Variants in CTNNA3 observed in about 807,000 individuals in gnomAD.
CTNNA3 encodes the protein catenin alpha-3.
A neutral mutation model predicts 95.7 loss-of-function variants in CTNNA3; 76 were observed. That is an observed-to-expected ratio of 0.79 (90% CI 0.66 to 0.96). CTNNA3 has a LOEUF of 0.96. CTNNA3 is among the 40% of genes least tolerant of loss of function. The pLI is 0.00. For missense variants in CTNNA3, 1,191 were observed against 1,089.8 expected, an observed-to-expected ratio of 1.09 and a Z score of -1.31; for synonymous variants, 431 against 374.4, an observed-to-expected ratio of 1.15 and a Z score of -1.74.
At chr10:66,570,261 C>T (rs556196315) in intron 10 of CTNNA3, among the ~76,000 whole-genome samples, 1 of 149,854 alleles carries the variant, frequency 6.7e-6, no homozygotes, top group African/African-American at 2.4e-5. Context: ...TTCCTTATAC[C>T]TTTCAAAAAT....
chr10:67,090,720 T>G (rs1857580071), intron 7 of CTNNA3, among the ~76,000 whole-genome samples: 1 of 151,996 alleles, frequency 6.6e-6, no homozygotes, highest in African/African-American at 2.4e-5. Context: ...AAGAGAATAT[T>G]AGAGACGTGT....
At chr10:65,995,021 C>T (rs1266656746) in intron 15 of CTNNA3, among the ~76,000 whole-genome samples, 2 of 151,842 alleles carry the variant, frequency 1.3e-5, no homozygotes, top group Non-Finnish European at 2.9e-5. Context: ...TGATGCTTAT[C>T]ACATTGGTAA....
chr10:67,274,560 G>A (rs184265160), intron 5 of CTNNA3, among the ~76,000 whole-genome samples: 7 of 152,226 alleles, frequency 4.6e-5, no homozygotes, highest in Admixed American at 4.6e-4. Context: ...TGGCGCAGTG[G>A]CTCACACCTG....
chr10:65,918,328 G>A lies in CTNNA3; in HGVS notation c.*2002C>T, dbSNP rs1160133181. 1 of 152,070 alleles carries A rather than the reference G, an allele frequency of 6.6e-6. No individual in the cohort carries two copies. Among genetic ancestry groups the A allele is most frequent in the Non-Finnish European group, 1.5e-5 (1 of 68,002 alleles). The allele number at this position is 152,070 out of a possible 1,614,324, so 9.4% of individuals were successfully genotyped here. On this transcript the variant is annotated 3_prime_UTR_variant, in exon 18 of 18. Coordinates refer to ENST00000433211, the MANE Select transcript of CTNNA3 (RefSeq NM_013266.4). ...TAGGAGCTAAGATACACAACTGCTA[G>A]TTTGGTGATTTCAAAAAAATTTTCT...
chr10:66,405,644 G>C (rs1433778851), intron 11 of CTNNA3, among the ~76,000 whole-genome samples: 1 of 152,064 alleles, frequency 6.6e-6, no homozygotes, highest in Non-Finnish European at 1.5e-5. Context: ...CTGGTGGTTT[G>C]CTTTGGGTAG....
chr10:66,475,085 C>T (rs1839275929), intron 11 of CTNNA3, among the ~76,000 whole-genome samples: 1 of 151,866 alleles, frequency 6.6e-6, no homozygotes, highest in Admixed American at 6.6e-5. Flanking sequence ...CTTCTAGTTT[C>T]ATGTAACTTA....
chr10:66,445,930 G>T (rs1023344484), intron 11 of CTNNA3, among the ~76,000 whole-genome samples: 2 of 151,980 alleles, frequency 1.3e-5, no homozygotes, highest in Admixed American at 1.3e-4. Flanking sequence ...CCGCTATCAA[G>T]GCTAAGAAGG....
Position 67,108,041 on chromosome 10 carries a change from T to C in CTNNA3, c.1047+72276A>G, listed in dbSNP as rs149335314. Reference sequence around the variant, plus strand: ...TCCTGGCCATGGGACAAGAGGCCTATCTTTAGCTGAAATAAGGAAAAGTCC... The same window carrying C: ...TCCTGGCCATGGGACAAGAGGCCTACCTTTAGCTGAAATAAGGAAAAGTCC... On this transcript the variant is annotated intron_variant, in intron 7 of 17. Transcript: ENST00000433211. Among the ~76,000 whole-genome samples the C allele has an allele frequency of 4.4e-3, 663 of 152,344 alleles. 1 individual carries two copies. Among genetic ancestry groups the C allele is most frequent in the African/African-American group, 0.015 (624 of 41,576 alleles).
chr10:67,058,603 G>C (rs1252874909), intron 7 of CTNNA3, among the ~76,000 whole-genome samples: 3 of 152,086 alleles, frequency 2.0e-5, no homozygotes, highest in Non-Finnish European at 4.4e-5. Context: ...TGCCCTGCAA[G>C]GCCCCTTTTT....
chr10:67,587,561 T>C (rs1842674529), intron 3 of CTNNA3, among the ~76,000 whole-genome samples: 1 of 152,232 alleles, frequency 6.6e-6, no homozygotes, highest in Admixed American at 6.5e-5. Context: ...TTGTAAAGTT[T>C]CTGCTGAGAA....
chr10:66,341,599 A>AT (rs2092453636), intron 12 of CTNNA3, among the ~76,000 whole-genome samples: 1 of 151,922 alleles, frequency 6.6e-6, no homozygotes, highest in Admixed American at 6.6e-5. Flanking sequence ...TGTACTTTAG[A>AT]TTTTTCTTTA....
chr10:66,566,068 T>G (rs60424434), intron 10 of CTNNA3, among the ~76,000 whole-genome samples: 1 of 152,130 alleles, frequency 6.6e-6, no homozygotes, highest in Non-Finnish European at 1.5e-5. Flanking sequence ...CTAAATTTTA[T>G]TTATTGACTT....
chr10:66,116,287 G>A (rs542100846), intron 13 of CTNNA3, among the ~76,000 whole-genome samples: 85 of 152,202 alleles, frequency 5.6e-4, no homozygotes, highest in African/African-American at 2.0e-3. Context: ...ACTTAATGTG[G>A]AGAATTGTTT....
intron 5 of CTNNA3, among the ~76,000 whole-genome samples, chr10:67,406,834 C>T (rs1845155320): frequency 6.6e-6 from 1 of 151,974 alleles, no homozygotes. Flanking sequence ...TGGACAAATC[C>T]CTGGACACAT....
At chr10:67,149,061 A>C (rs2132061137) in intron 7 of CTNNA3, among the ~76,000 whole-genome samples, 1 of 152,344 alleles carries the variant, frequency 6.6e-6, no homozygotes, top group African/African-American at 2.4e-5. Flanking sequence ...AAAGGCAAGA[A>C]AAGCAGGGGC....
At chr10:66,626,941 CA>C (rs1844956863) in intron 9 of CTNNA3, among the ~76,000 whole-genome samples, 1 of 151,818 alleles carries the variant, frequency 6.6e-6, no homozygotes, top group Admixed American at 6.6e-5. Context: ...ACAACAACAA[CA>C]ACAACAACAA....
chr10:67,547,456 A>G (rs1036876547), intron 3 of CTNNA3, among the ~76,000 whole-genome samples: 1 of 152,204 alleles, frequency 6.6e-6, no homozygotes, highest in African/African-American at 2.4e-5. Flanking sequence ...CTTACTAGAA[A>G]TTCAAGTCCC....
chr10:67,131,112 T>G (rs536684760), intron 7 of CTNNA3, among the ~76,000 whole-genome samples: 1 of 152,206 alleles, frequency 6.6e-6, no homozygotes, highest in African/African-American at 2.4e-5. Context: ...TACTTTACGC[T>G]TACCAACTCA....
At chr10:66,931,942 A>G (rs898958134) in intron 7 of CTNNA3, among the ~76,000 whole-genome samples, 2 of 152,202 alleles carry the variant, frequency 1.3e-5, no homozygotes, top group Admixed American at 6.5e-5. Flanking sequence ...TAATTTAGGT[A>G]GGAAAAACAA....
Sources: allele counts gnomAD v4.1 joint callset (sites outside exome capture counted in the v4.1 genomes callset), GRCh38; gene constraint gnomAD v4.1.1; transcripts MANE v1.5; gene names NCBI Gene and HGNC (gene_info 2026-07-23, HGNC 2026-07-21).